The following MRPS9 variants were observed in gnomAD, a reference collection of about 807,000 sequenced individuals.
MRPS9 encodes small ribosomal subunit protein uS9m.
In MRPS9, 45 loss-of-function variants were observed where a neutral mutation model predicts 59.9. That is an observed-to-expected ratio of 0.75 (90% CI 0.59 to 0.96). The LOEUF is 0.96. Among genes scored for constraint, MRPS9 ranks in the 40% least tolerant of loss-of-function variants. The pLI, the probability that MRPS9 is intolerant of heterozygous loss-of-function variation, is 0.00. For synonymous variants in MRPS9, 171 were observed against 166.8 expected (o/e 1.03, Z -0.19); for missense variants, 473 against 481.1 (o/e 0.98, Z 0.16).
intron 7 of MRPS9, chr2:105,091,176 GA>G: frequency 2.5e-6 from 1 of 403,790 alleles, no homozygotes; most frequent in South Asian, 1.9e-5. Flanking sequence ...AGTTATATAT[GA>G]TACTTTGTAC....
chr2:105,066,255 G>A (rs532044894), intron 2 of MRPS9, among the ~76,000 whole-genome samples: 13 of 152,242 alleles, frequency 8.5e-5, no homozygotes, highest in African/African-American at 3.1e-4. Context: ...CTTTTCCACA[G>A]TATTTGGTAC....
chr2:105,070,411 C>T (rs1553441960), intron 2 of MRPS9, among the ~76,000 whole-genome samples: 2 of 152,166 alleles, frequency 1.3e-5, no homozygotes, highest in South Asian at 2.1e-4. Context: ...CTTTTGGTGG[C>T]AGAGTCTGAT....
intron 2 of MRPS9, among the ~76,000 whole-genome samples, chr2:105,064,033 A>G (rs1304505186): frequency 6.6e-6 from 1 of 152,236 alleles, no homozygotes; most frequent in Admixed American, 6.5e-5. Context: ...GTTTGGATAC[A>G]TAAAGGGAAA....
intron 10 of MRPS9, 198 bp downstream of exon 10, chr2:105,097,522 A>T: frequency 2.2e-6 from 1 of 452,430 alleles, no homozygotes. Flanking sequence ...TTGAATTAGA[A>T]AAAGGGGAGA....
intron 2 of MRPS9, among the ~76,000 whole-genome samples, chr2:105,068,538 T>C (rs569533769): frequency 6.6e-6 from 1 of 152,346 alleles, no homozygotes; most frequent in East Asian, 1.9e-4. Flanking sequence ...ATTTACATGC[T>C]TCAGGGCTTA....
chr2:105,073,092 G>A (rs1380705089), intron 4 of MRPS9, among the ~76,000 whole-genome samples: 1 of 152,120 alleles, frequency 6.6e-6, no homozygotes, highest in African/African-American at 2.4e-5. Flanking sequence ...TGTAATGACA[G>A]TGATTTTTTT....
intron 5 of MRPS9, among the ~76,000 whole-genome samples, chr2:105,085,230 CTCTTAGTT>C (rs1180528159): frequency 7.2e-5 from 11 of 152,072 alleles, no homozygotes; most frequent in African/African-American, 2.4e-4. Flanking sequence ...TAGCGTAAAC[CTCTTAGTT>C]AATGATAAGT....
At chr2:105,068,731 T>G (rs1680048395) in intron 2 of MRPS9, among the ~76,000 whole-genome samples, 1 of 152,254 alleles carries the variant, frequency 6.6e-6, no homozygotes, top group African/African-American at 2.4e-5. Flanking sequence ...TTTCTGTTTC[T>G]TACACCAAAG....
chr2:105,068,857 G>C (rs926657653), intron 2 of MRPS9, among the ~76,000 whole-genome samples: 1 of 152,182 alleles, frequency 6.6e-6, no homozygotes, highest in African/African-American at 2.4e-5. Flanking sequence ...TATGCATGGG[G>C]ATTTGGTTGT....
At chr2:105,094,473 TCTC>T (rs1245841901) in intron 9 of MRPS9, among the ~76,000 whole-genome samples, 1 of 152,190 alleles carries the variant, frequency 6.6e-6, no homozygotes, top group Non-Finnish European at 1.5e-5. Context: ...TCCTAATCCT[TCTC>T]CTGTTTCCTG....
intron 6 of MRPS9, among the ~76,000 whole-genome samples, 166 bp downstream of exon 6, chr2:105,089,235 G>A (rs1351584087): frequency 1.3e-5 from 2 of 152,122 alleles, no homozygotes; most frequent in African/African-American, 4.8e-5. Flanking sequence ...TTAGGAGGAA[G>A]CATGAATTGA....
intron 7 of MRPS9, among the ~76,000 whole-genome samples, chr2:105,090,634 T>C (rs1239075942): frequency 6.6e-6 from 1 of 152,206 alleles, no homozygotes; most frequent in Non-Finnish European, 1.5e-5. Flanking sequence ...CTGCTTTAGG[T>C]CTTAATTGCA....
chr2:105,077,684 T>G (rs1375751575), intron 4 of MRPS9, among the ~76,000 whole-genome samples: 7 of 152,152 alleles, frequency 4.6e-5, no homozygotes. Flanking sequence ...AAAATTATGT[T>G]TTTATTATAG....
chr2:105,071,328 C>T lies in MRPS9; in HGVS notation c.331C>T (p.Leu111Phe), dbSNP rs1328968712. 1 of 1,609,884 alleles carries T rather than the reference C, an allele frequency of 6.2e-7. No individual in the cohort carries two copies. Among genetic ancestry groups the T allele is most frequent in the African/African-American group, 1.3e-5 (1 of 74,806 alleles). The stretch of plus-strand genomic sequence containing the variant: ...ATATTTTCAGAGAGCTATTGCTTAC[C>T]TTTTCCCAAGTGGTTTGTTTGAGAA... Reference protein sequence around the residue: ...QEDIDRAIAYLFPSGLFEKRA... With the variant: ...QEDIDRAIAYFFPSGLFEKRA... Residue 111 changes from leucine (L) to phenylalanine (F), a missense_variant, in exon 3 of 11, where the codon CTT becomes TTT. Transcript: ENST00000258455.
chr2:105,079,027 T>G (rs1449195558), intron 4 of MRPS9, among the ~76,000 whole-genome samples: 1 of 152,132 alleles, frequency 6.6e-6, no homozygotes, highest in South Asian at 2.1e-4. Flanking sequence ...TCTGTGGTAT[T>G]AACATTTCAT....
chr2:105,068,225 A>G (rs1332509483), intron 2 of MRPS9, among the ~76,000 whole-genome samples: 1 of 152,106 alleles, frequency 6.6e-6, no homozygotes, highest in African/African-American at 2.4e-5. Flanking sequence ...TATTTTTTGA[A>G]TATTACAGGA....
At chr2:105,065,461 T>A (rs1401865778) in intron 2 of MRPS9, among the ~76,000 whole-genome samples, 1 of 152,230 alleles carries the variant, frequency 6.6e-6, no homozygotes, top group Non-Finnish European at 1.5e-5. Flanking sequence ...AATATTTTTG[T>A]ATAGTTAATT....
intron 2 of MRPS9, among the ~76,000 whole-genome samples, chr2:105,061,232 A>G (rs563225962): frequency 1.3e-5 from 2 of 152,328 alleles, no homozygotes; most frequent in African/African-American, 4.8e-5. Context: ...CAGGCAGTCA[A>G]AACTAAAACA....
At position 105,038,083 on chromosome 2, in the gene MRPS9, C is replaced by A. The variant is rs1052058560; in HGVS notation, c.-10C>A. 5.6e-6 allele frequency: 9 copies of A among 1,613,322 alleles called. No individual in the cohort carries two copies. In the Admixed American group the frequency reaches 1.3e-4, roughly 24 times the overall value. ...CTCACCCCTCCGGTCCTGGAGCTCC[C>A]ACAGCTAACATGGCGGCGCCCTGTG... On this transcript the variant is annotated 5_prime_UTR_variant, in exon 1 of 11. Transcript: ENST00000258455.
Sources: gnomAD v4.1 joint callset for allele counts (sites outside exome capture counted in the v4.1 genomes callset) on GRCh38, gnomAD v4.1.1 for gene constraint, MANE v1.5 for transcripts, NCBI Gene and HGNC (gene_info 2026-07-23, HGNC 2026-07-21) for gene names.